The following TMEM177 variants were observed in gnomAD, a reference collection of about 807,000 sequenced individuals.
The protein encoded by TMEM177 is transmembrane protein 177.
A neutral mutation model predicts 14.2 loss-of-function variants in TMEM177; 4 were observed. The ratio of observed to expected loss-of-function variants is 0.28; its 90% confidence interval spans 0.14 to 0.64. TMEM177 has a LOEUF of 0.64. Among genes scored for constraint, TMEM177 ranks in the 30% least tolerant of loss-of-function variants. The pLI is 0.82. For synonymous variants in TMEM177, 179 were observed against 174.5 expected, an observed-to-expected ratio of 1.03 and a Z score of -0.20; for missense variants, 344 against 405.2, an observed-to-expected ratio of 0.85 and a Z score of 1.30.
At chr2:119,707,797 G>A in the TMEM177 span, among the ~76,000 whole-genome samples, 1 of 152,320 alleles carries the variant, frequency 6.6e-6, no homozygotes, top group South Asian at 2.1e-4. Flanking sequence ...CCTCCACTCC[G>A]TGTTGCATGG....
chr2:119,709,411 C>T, the TMEM177 span, among the ~76,000 whole-genome samples: 10 of 152,304 alleles, frequency 6.6e-5, no homozygotes, highest in South Asian at 1.5e-3. Flanking sequence ...CATGGTGGCT[C>T]ATGCCTGTAA....
the TMEM177 span, among the ~76,000 whole-genome samples, chr2:119,713,281 T>A: frequency 6.6e-6 from 1 of 152,114 alleles, no homozygotes; most frequent in African/African-American, 2.4e-5. Context: ...TTGGTCAGGC[T>A]GGTCTCCAAC....
At chr2:119,719,349 CT>C in the TMEM177 span, among the ~76,000 whole-genome samples, 1 of 152,134 alleles carries the variant, frequency 6.6e-6, no homozygotes, top group African/African-American at 2.4e-5. Flanking sequence ...AGTATGTGTT[CT>C]TTGGGGTAAA....
At chr2:119,722,173 G>A in the TMEM177 span, among the ~76,000 whole-genome samples, 2 of 152,104 alleles carry the variant, frequency 1.3e-5, no homozygotes, top group African/African-American at 4.8e-5. Context: ...TTCAGGCCAG[G>A]AATTGAGACC....
chr2:119,691,186 C>T (rs1447456618), downstream of TMEM177, among the ~76,000 whole-genome samples: 1 of 152,220 alleles, frequency 6.6e-6, no homozygotes. Flanking sequence ...CAGAGCCAGA[C>T]CACCCGGGCT....
the TMEM177 span, among the ~76,000 whole-genome samples, chr2:119,692,402 G>T: frequency 9.2e-5 from 14 of 152,228 alleles, no homozygotes; most frequent in South Asian, 2.3e-3. Flanking sequence ...CAGTGTGAAG[G>T]CCTGTGGCCC....
chr2:119,718,261 G>A, the TMEM177 span, among the ~76,000 whole-genome samples: 1 of 152,160 alleles, frequency 6.6e-6, no homozygotes, highest in East Asian at 1.9e-4. Flanking sequence ...GCTGTGTCAG[G>A]CTGAAATCAC....
the TMEM177 span, among the ~76,000 whole-genome samples, chr2:119,722,201 A>G: frequency 6.6e-6 from 1 of 152,284 alleles, no homozygotes; most frequent in East Asian, 1.9e-4. Context: ...GCGACATAGC[A>G]AGACCCCATT....
rs767119115 is a variant in TMEM177, at chr2:119,680,951, C to T, written c.98C>T (p.Ser33Leu). Reference protein sequence around the residue: ...SCAGLFGVPISYHLFPDPVVQ... With the variant: ...SCAGLFGVPILYHLFPDPVVQ... ...GCAGGCCTGTTTGGAGTTCCAATCTCGTACCACCTCTTCCCGGATCCCGTG... is the reference window on the plus strand; with the variant it reads ...GCAGGCCTGTTTGGAGTTCCAATCTTGTACCACCTCTTCCCGGATCCCGTG... Residue 33 changes from serine (S) to leucine (L), a missense_variant, in exon 2 of 2, where the codon TCG becomes TTG. Ser to Leu is a moderately radical substitution (Grantham distance 145). Coordinates refer to ENST00000272521, the MANE Select transcript of TMEM177 (RefSeq NM_030577.3). 1.4e-5 allele frequency: 22 copies of T among 1,614,080 alleles called. No homozygotes were observed. Among genetic ancestry groups the T allele is most frequent in the Non-Finnish European group, 1.6e-5 (19 of 1,180,038 alleles).
chr2:119,697,473 T>C, the TMEM177 span, among the ~76,000 whole-genome samples: 15 of 152,130 alleles, frequency 9.9e-5, no homozygotes, highest in African/African-American at 3.6e-4. Context: ...CACTTGAACC[T>C]AGGAGGCGGA....
chr2:119,694,116 A>G, the TMEM177 span, among the ~76,000 whole-genome samples: 2 of 93,098 alleles, frequency 2.1e-5, no homozygotes, highest in African/African-American at 8.2e-5. Context: ...CACATACCAC[A>G]TGCACCACAT....
At chr2:119,694,002 A>AC in the TMEM177 span, among the ~76,000 whole-genome samples, 626 of 114,272 alleles carry the variant, frequency 5.5e-3, 7 homozygotes, top group African/African-American at 0.019. Context: ...CACACCACAT[A>AC]CGCATACACA....
the TMEM177 span, among the ~76,000 whole-genome samples, chr2:119,716,020 A>G: frequency 6.6e-6 from 1 of 152,216 alleles, no homozygotes; most frequent in Non-Finnish European, 1.5e-5. Flanking sequence ...ATCTAAGTCC[A>G]CTGGGGAAAC....
At chr2:119,708,420 C>T in the TMEM177 span, among the ~76,000 whole-genome samples, 34 of 152,226 alleles carry the variant, frequency 2.2e-4, no homozygotes, top group South Asian at 6.6e-3. Context: ...TGTTCACACC[C>T]GTGTTCACAA....
chr2:119,693,714 G>A, the TMEM177 span, among the ~76,000 whole-genome samples: 2 of 152,080 alleles, frequency 1.3e-5, no homozygotes, highest in African/African-American at 4.8e-5. Flanking sequence ...AAAGGCCTCA[G>A]CCACACCTGA....
the TMEM177 span, among the ~76,000 whole-genome samples, chr2:119,716,808 G>A: frequency 2.0e-5 from 3 of 152,196 alleles, 1 homozygote; most frequent in Admixed American, 2.0e-4. Context: ...CAATTCCTAT[G>A]TCTACTCAAT....
chr2:119,696,390 G>T, the TMEM177 span, among the ~76,000 whole-genome samples: 1 of 152,130 alleles, frequency 6.6e-6, no homozygotes, highest in Non-Finnish European at 1.5e-5. Context: ...CCACGGTGTG[G>T]GGGCAGTGCT....
chr2:119,692,896 C>T, the TMEM177 span, among the ~76,000 whole-genome samples: 7 of 150,040 alleles, frequency 4.7e-5, no homozygotes, highest in African/African-American at 1.7e-4. Context: ...CGCTTGAACC[C>T]GGGAGGCAGA....
chr2:119,683,815 C>T (rs1032089266), downstream of TMEM177, among the ~76,000 whole-genome samples: 1 of 152,208 alleles, frequency 6.6e-6, no homozygotes, highest in African/African-American at 2.4e-5. Flanking sequence ...CTGTTCGCAT[C>T]CTCCAGTCCT....
Sources: allele counts gnomAD v4.1 joint callset (sites outside exome capture counted in the v4.1 genomes callset), GRCh38; gene constraint gnomAD v4.1.1; transcripts MANE v1.5; gene names NCBI Gene and HGNC (gene_info 2026-07-23, HGNC 2026-07-21).